CDK6: variants seen among roughly 807,000 people sequenced by gnomAD.
CDK6 encodes the protein cyclin dependent kinase 6.
CDK6 carries 6 observed loss-of-function variants against 37.1 expected under a neutral mutation model. That is an observed-to-expected ratio of 0.16 (90% CI 0.09 to 0.32). The LOEUF (loss-of-function observed/expected upper bound fraction) is 0.32. CDK6 is among the 10% of genes least tolerant of loss of function. The pLI is 1.00. For missense variants in CDK6, 224 were observed against 418.9 expected, an observed-to-expected ratio of 0.53 and a Z score of 4.06; for synonymous variants, 160 against 161.3, an observed-to-expected ratio of 0.99 and a Z score of 0.06.
chr7:92,630,431 T>C (rs1050488840), intron 5 of CDK6, among the ~76,000 whole-genome samples: 4 of 152,116 alleles, frequency 2.6e-5, no homozygotes, highest in East Asian at 1.9e-4. Context: ...TAATGCATTA[T>C]TGCATTTTAA....
At chr7:92,655,722 C>G (rs548064788) in intron 5 of CDK6, among the ~76,000 whole-genome samples, 18 of 152,340 alleles carry the variant, frequency 1.2e-4, no homozygotes, top group African/African-American at 4.1e-4. Context: ...CTGGTAGTAT[C>G]CAGTTCAGTT....
intron 4 of CDK6, among the ~76,000 whole-genome samples, chr7:92,682,937 G>A (rs1348070210): frequency 1.3e-5 from 2 of 152,146 alleles, no homozygotes; most frequent in African/African-American, 2.4e-5. Flanking sequence ...TCTTGAACTC[G>A]TGAAACTTAA....
chr7:92,822,087 T>C (rs1801187796), intron 2 of CDK6, among the ~76,000 whole-genome samples: 1 of 152,086 alleles, frequency 6.6e-6, no homozygotes, highest in African/African-American at 2.4e-5. Flanking sequence ...ATATAACTAA[T>C]TTTACAGTAA....
intron 3 of CDK6, among the ~76,000 whole-genome samples, chr7:92,771,264 G>T (rs1415102018): frequency 1.4e-5 from 2 of 140,882 alleles, no homozygotes; most frequent in African/African-American, 5.2e-5. Context: ...TAAAAATAAA[G>T]TATCTTAGAT....
chr7:92,745,296 T>A (rs2115652845), intron 3 of CDK6, among the ~76,000 whole-genome samples: 1 of 152,356 alleles, frequency 6.6e-6, no homozygotes, highest in South Asian at 2.1e-4. Context: ...TTCTTCACAT[T>A]CAGAGTCCTG....
intron 3 of CDK6, among the ~76,000 whole-genome samples, chr7:92,729,900 T>C (rs1798603307): frequency 6.6e-6 from 1 of 152,176 alleles, no homozygotes; most frequent in Non-Finnish European, 1.5e-5. Flanking sequence ...TTACCATGCC[T>C]GGCTACTTTT....
At chr7:92,737,726 T>C (rs189158652) in intron 3 of CDK6, among the ~76,000 whole-genome samples, 2 of 152,336 alleles carry the variant, frequency 1.3e-5, no homozygotes, top group African/African-American at 2.4e-5. Context: ...TATTTCCTTA[T>C]GTTATCCATT....
chr7:92,713,597 C>A (rs1218441218), intron 4 of CDK6, among the ~76,000 whole-genome samples: 2 of 145,524 alleles, frequency 1.4e-5, no homozygotes, highest in African/African-American at 2.6e-5. Context: ...TTGCTCTGTA[C>A]TGAAAGCTGA....
chr7:92,737,904 C>A (rs1318428640), intron 3 of CDK6, among the ~76,000 whole-genome samples: 1 of 152,170 alleles, frequency 6.6e-6, no homozygotes, highest in Non-Finnish European at 1.5e-5. Context: ...AGAAAAGAAA[C>A]CCTTGTAGTG....
chr7:92,767,485 T>C (rs1251565976), intron 3 of CDK6, among the ~76,000 whole-genome samples: 1 of 152,188 alleles, frequency 6.6e-6, no homozygotes, highest in African/African-American at 2.4e-5. Flanking sequence ...CTCTACACTT[T>C]AGATCTGGGC....
At chr7:92,776,417 A>C (rs573092527) in intron 2 of CDK6, among the ~76,000 whole-genome samples, 22 of 152,312 alleles carry the variant, frequency 1.4e-4, no homozygotes, top group African/African-American at 5.1e-4. Flanking sequence ...TCCTTTGGGT[A>C]TATACTCAGT....
intron 5 of CDK6, among the ~76,000 whole-genome samples, chr7:92,628,929 G>A (rs1379848136): frequency 1.3e-5 from 2 of 152,056 alleles, no homozygotes; most frequent in Non-Finnish European, 2.9e-5. Context: ...GCTAGGGATG[G>A]TCTCCCTGGA....
At chr7:92,744,498 G>A (rs1799009543) in intron 3 of CDK6, among the ~76,000 whole-genome samples, 1 of 152,164 alleles carries the variant, frequency 6.6e-6, no homozygotes, top group Admixed American at 6.5e-5. Context: ...TGAGATTTGG[G>A]TGGGGACACA....
In CDK6 at chr7:92,639,790, T is replaced by C. The variant is rs546820281; in HGVS notation, c.648-16704A>G. On this transcript the variant is annotated intron_variant, in intron 5 of 7. Coordinates refer to ENST00000424848, the MANE Select transcript of CDK6 (RefSeq NM_001145306.2). ...AGCTGGAATAAAAACCACAACTGAATAGCCTGGCACTTACTTTAACAGTCA... is the reference window on the plus strand; with the variant it reads ...AGCTGGAATAAAAACCACAACTGAACAGCCTGGCACTTACTTTAACAGTCA... Among the ~76,000 whole-genome samples the C allele has an allele frequency of 2.8e-4, 43 of 152,352 alleles. 1 individual carries two copies. Among genetic ancestry groups the C allele is most frequent in the South Asian group, 2.7e-3 (13 of 4,828 alleles).
intron 4 of CDK6, among the ~76,000 whole-genome samples, chr7:92,701,296 T>C (rs766770562): frequency 2.6e-5 from 4 of 152,224 alleles, no homozygotes; most frequent in Non-Finnish European, 4.4e-5. Context: ...GTATATGTTG[T>C]AGAGATGCAC....
chr7:92,811,879 G>A (rs1227042371), intron 2 of CDK6, among the ~76,000 whole-genome samples: 4 of 152,176 alleles, frequency 2.6e-5, no homozygotes, highest in Non-Finnish European at 4.4e-5. Context: ...AGGGCGAGGC[G>A]CAGCAGCTCA....
intron 5 of CDK6, among the ~76,000 whole-genome samples, chr7:92,652,399 C>T (rs1166068690): frequency 3.3e-5 from 5 of 152,128 alleles, no homozygotes; most frequent in South Asian, 4.1e-4. Flanking sequence ...TTTGGTTTTT[C>T]ACTTTGAATA....
At chr7:92,697,909 A>G (rs1344112740) in intron 4 of CDK6, among the ~76,000 whole-genome samples, 1 of 152,248 alleles carries the variant, frequency 6.6e-6, no homozygotes, top group South Asian at 2.1e-4. Context: ...AAATTATGCT[A>G]TCACAAATTT....
intron 5 of CDK6, among the ~76,000 whole-genome samples, chr7:92,649,491 G>C (rs1796524932): frequency 6.6e-6 from 1 of 152,108 alleles, no homozygotes. Context: ...TGTGTCCAAG[G>C]AGCCCGAATG....
Sources: gnomAD v4.1 joint callset for allele counts (sites outside exome capture counted in the v4.1 genomes callset) on GRCh38, gnomAD v4.1.1 for gene constraint, MANE v1.5 for transcripts, NCBI Gene and HGNC (gene_info 2026-07-23, HGNC 2026-07-21) for gene names.